The following DPH3 variants were observed in gnomAD, a reference collection of about 807,000 sequenced individuals.
DPH3 encodes the protein diphthamide biosynthesis protein 3.
A neutral mutation model predicts 10.2 loss-of-function variants in DPH3; 8 were observed. The ratio of observed to expected loss-of-function variants is 0.79; its 90% CI spans 0.46 to 1.42. DPH3 has a LOEUF of 1.42. Ranked by LOEUF, DPH3 falls within the 40% of genes most tolerant of loss-of-function variation. DPH3 has a pLI of 0.00. For missense variants in DPH3, 96 were observed against 98.9 expected, an observed-to-expected ratio of 0.97 and a Z score of 0.12; for synonymous variants, 35 against 35.6, an observed-to-expected ratio of 0.98 and a Z score of 0.06.
At position 16,261,714 on chromosome 3, in the gene DPH3, C is replaced by G. The variant is rs1256975420; in HGVS notation, c.184-885G>C. ...GCTGAGGTTGAGATGAAGTCATATT[C>G]TTAAGGACAGTTTCCCCTACAAGCC... On this transcript the variant is annotated intron_variant, in intron 2 of 2. Coordinates refer to ENST00000488423, the MANE Select transcript of DPH3 (RefSeq NM_206831.3). The surrounding 1 kb of genome is among the most constrained non-coding windows in gnomAD (Gnocchi z 7.1). Among the ~76,000 whole-genome samples, 2 of 152,116 alleles carry G rather than the reference C, an allele frequency of 1.3e-5. No individual in the cohort carries two copies. The highest frequency in any genetic ancestry group is 4.8e-5 in the African/African-American group (2 of 41,410).
In DPH3 at chr3:16,264,749, G is replaced by C; in HGVS notation, c.108+20C>G. On this transcript the variant is annotated intron_variant, in intron 1 of 2. Coordinates refer to ENST00000488423, the MANE Select transcript of DPH3 (RefSeq NM_206831.3). ...ACTGCGCTTGCTTGGGTGAACCGCC[G>C]GGCGGGACCCTGAAGTTACCTTGGT... is the stretch of plus-strand genomic sequence containing the variant. The C allele has an allele frequency of 6.2e-7, 1 of 1,612,552 alleles. No individual in the cohort carries two copies. The highest frequency in any genetic ancestry group is 8.5e-7 in the Non-Finnish European group (1 of 1,178,942).
rs143104601 is a variant in DPH3 at position 16,263,043 on chromosome 3, G to A, written c.183+1112C>T. Among the ~76,000 whole-genome samples, 209 of 152,214 alleles carry A rather than the reference G, an allele frequency of 1.4e-3. No individual in the cohort carries two copies. The highest frequency in any genetic ancestry group is 4.9e-3 in the African/African-American group (202 of 41,524). On this transcript the variant is annotated intron_variant, in intron 2 of 2. Transcript: ENST00000488423. This position sits in a 1 kb window ranked among gnomAD's most constrained non-coding sequence, Gnocchi z 4.0. ...TAGGCTACTCTGAACACAGCAGCCA[G>A]AATCATTTTTTAAAAAACTTAAGTT...
Position 16,264,304 on chromosome 3 carries a change from C to A in DPH3, c.109-75G>T, listed in dbSNP as rs1252844593. On this transcript the variant is annotated intron_variant, in intron 1 of 2. Coordinates refer to ENST00000488423, the MANE Select transcript of DPH3 (RefSeq NM_206831.3). ...CTCCTCCCCCAAACCTATCCCACCCCTAGATGCAAGTCTCTTGGTGGCTTG... is the reference window on the plus strand; with the variant it reads ...CTCCTCCCCCAAACCTATCCCACCCATAGATGCAAGTCTCTTGGTGGCTTG... 31 of 1,228,536 alleles carry A rather than the reference C, an allele frequency of 2.5e-5. No homozygotes were observed. In the East Asian group the frequency reaches 6.9e-4, roughly 27 times the overall value. 76.1% of individuals were successfully genotyped at this position (1,228,536 alleles called of 1,614,324 possible).
In DPH3 at chr3:16,264,146, A is replaced by G; in HGVS notation, c.183+9T>C. On this transcript the variant is annotated intron_variant, in intron 2 of 2. Coordinates refer to ENST00000488423, the MANE Select transcript of DPH3 (RefSeq NM_206831.3). ...TACCCTTCCCCCGTTTTAAAATTAT[A>G]TCCCTTACTTTGTCATAAATCACTT... is the stretch of plus-strand genomic sequence containing the variant. 1 of 1,601,054 alleles carries G rather than the reference A, an allele frequency of 6.2e-7. No individual in the cohort carries two copies.
At position 16,261,824 on chromosome 3, in the gene DPH3, T is replaced by C. The variant is rs2064294150; in HGVS notation, c.184-995A>G. 6.6e-6 allele frequency among the ~76,000 whole-genome samples: 1 copy of C among 152,188 alleles called. No homozygotes were observed. The highest frequency in any genetic ancestry group is 2.1e-4 in the South Asian group (1 of 4,830). ...TAGTTCCTCCTTTTTGCCTCCATTC[T>C]CCTTTCCTGTCTAAAACCCATCAGT... On this transcript the variant is annotated intron_variant, in intron 2 of 2. Coordinates refer to ENST00000488423, the MANE Select transcript of DPH3 (RefSeq NM_206831.3). This position sits in a 1 kb window ranked among gnomAD's most constrained non-coding sequence, Gnocchi z 7.1.
chr3:16,257,883 T>C lies in DPH3; in HGVS notation c.*2881A>G, dbSNP rs1262938950. The C allele has an allele frequency of 6.6e-6, 1 of 152,190 alleles. No individual in the cohort carries two copies. Among genetic ancestry groups the C allele is most frequent in the Non-Finnish European group, 1.5e-5 (1 of 68,022 alleles). The allele number at this position is 152,190 out of a possible 1,614,324, so 9.4% of individuals were successfully genotyped here. On this transcript the variant is annotated 3_prime_UTR_variant, in exon 3 of 3. Transcript: ENST00000488423. ...TCCATAACAAAAAGTCTATTAACAATACCCCAAAGCAGTTAAGATTTCTAC... is the reference window on the plus strand; with the variant it reads ...TCCATAACAAAAAGTCTATTAACAACACCCCAAAGCAGTTAAGATTTCTAC...
Position 16,261,219 on chromosome 3 carries a change from T to G in DPH3, c.184-390A>C, listed in dbSNP as rs1559705847. Among the ~76,000 whole-genome samples, 4 of 152,248 alleles carry G rather than the reference T, an allele frequency of 2.6e-5. No individual in the cohort carries two copies. Among genetic ancestry groups the G allele is most frequent in the Admixed American group, 2.0e-4 (3 of 15,290 alleles). On this transcript the variant is annotated intron_variant, in intron 2 of 2. Coordinates refer to ENST00000488423, the MANE Select transcript of DPH3 (RefSeq NM_206831.3). This position sits in a 1 kb window ranked among gnomAD's most constrained non-coding sequence, Gnocchi z 7.1. ...CAGTCCTCTTCAAAGTAATTACTTC[T>G]TCTAACTAAAAGGGACAGGTCTTTA...
chr3:16,264,620 G>C (rs575811054), intron 1 of DPH3, 149 bp downstream of exon 1: 1 of 759,210 alleles, frequency 1.3e-6, no homozygotes, highest in Non-Finnish European at 2.2e-6. Context: ...CATTAGTTGG[G>C]GTGGGGGGAC....
rs1559705900 is a variant in DPH3, at chr3:16,261,389, G to A, written c.184-560C>T. On this transcript the variant is annotated intron_variant, in intron 2 of 2. Transcript: ENST00000488423. This position sits in a 1 kb window ranked among gnomAD's most constrained non-coding sequence, Gnocchi z 7.1. ...CCTCACCTCCAGCAATCTGATTCCCGAAGGATCAGCCCCTACTCTGTCCCT... is the reference window on the plus strand; with the variant it reads ...CCTCACCTCCAGCAATCTGATTCCCAAAGGATCAGCCCCTACTCTGTCCCT... Among the ~76,000 whole-genome samples, 5 of 152,130 alleles carry A rather than the reference G, an allele frequency of 3.3e-5. No individual in the cohort carries two copies. The highest frequency in any genetic ancestry group is 2.0e-4 in the Admixed American group (3 of 15,276).
chr3:16,262,546 C>T lies in DPH3; in HGVS notation c.183+1609G>A, dbSNP rs1233526121. 6.6e-6 allele frequency among the ~76,000 whole-genome samples: 1 copy of T among 152,164 alleles called. No individual in the cohort carries two copies. The highest frequency in any genetic ancestry group is 2.1e-4 in the South Asian group (1 of 4,834). ...TCCCTGACTTTTTAATACTGTAGTG[C>T]CTTAAGGCTCAGTCCTGTATTTTAT... On this transcript the variant is annotated intron_variant, in intron 2 of 2. Transcript: ENST00000488423. This position sits in a 1 kb window ranked among gnomAD's most constrained non-coding sequence, Gnocchi z 4.7.
rs749301090 is a variant in DPH3 at position 16,264,162 on chromosome 3, T to C, written c.176A>G (p.Tyr59Cys). ...PSCSLIIKVI[Y>C]DKDQFVCGET... is the part of the protein sequence containing the mutation. ...TAAAATTATATCCCTTACTTTGTCA[T>C]AAATCACTTTTATAATGAGAGAGCA... is the stretch of plus-strand genomic sequence containing the variant. The change falls in exon 2 of 3, where the codon TAT becomes TGT. Residue 59 changes from tyrosine to cysteine, a missense_variant. Transcript: ENST00000488423. The C allele has an allele frequency of 3.7e-6, 6 of 1,609,478 alleles. No individual in the cohort carries two copies. In the Admixed American group the frequency reaches 1.0e-4, roughly 27 times the overall value.
At position 16,264,764 on chromosome 3, in the gene DPH3, G is replaced by A. The variant is rs980196569; in HGVS notation, c.108+5C>T. On this transcript the variant is annotated splice_donor_5th_base_variant and intron_variant, in intron 1 of 2. Coordinates refer to ENST00000488423, the MANE Select transcript of DPH3 (RefSeq NM_206831.3). ...GTGAACCGCCGGGCGGGACCCTGAA[G>A]TTACCTTGGTGATGGAGAAGTTATC... The A allele has an allele frequency of 1.2e-6, 2 of 1,613,972 alleles. No individual in the cohort carries two copies. Among genetic ancestry groups the A allele is most frequent in the African/African-American group, 1.3e-5 (1 of 75,046 alleles).
rs915633952 is a variant in DPH3 at position 16,259,696 on chromosome 3, A to G, written c.*1068T>C. ...AGGAGTGAATGTCTGGTTTGGCTGC[A>G]TGTTATAGAGGCTTATTAAATATGC... On this transcript the variant is annotated 3_prime_UTR_variant, in exon 3 of 3. Transcript: ENST00000488423. 35 of 152,174 alleles carry G rather than the reference A, an allele frequency of 2.3e-4. No homozygotes were observed. The highest frequency in any genetic ancestry group is 8.2e-4 in the African/African-American group (34 of 41,438). 9.4% of individuals were successfully genotyped at this position (152,174 alleles called of 1,614,324 possible).
Position 16,261,967 on chromosome 3 carries a change from C to A in DPH3, c.184-1138G>T, listed in dbSNP as rs1363210791. 6.7e-6 allele frequency among the ~76,000 whole-genome samples: 1 copy of A among 148,730 alleles called. No individual in the cohort carries two copies. Among genetic ancestry groups the A allele is most frequent in the Non-Finnish European group, 1.5e-5 (1 of 66,720 alleles). On this transcript the variant is annotated intron_variant, in intron 2 of 2. Transcript: ENST00000488423. The surrounding 1 kb of genome is among the most constrained non-coding windows in gnomAD (Gnocchi z 7.1). The stretch of plus-strand genomic sequence containing the variant: ...CCTCCACCATATTCATCCTACCACC[C>A]TTTCACTGCCCCTCACTCCCTTCAT...
rs191031768 is a variant in DPH3, at chr3:16,261,725, T to C, written c.184-896A>G. Among the ~76,000 whole-genome samples, 3 of 152,226 alleles carry C rather than the reference T, an allele frequency of 2.0e-5. No homozygotes were observed. The highest frequency in any genetic ancestry group is 2.9e-5 in the Non-Finnish European group (2 of 68,006). Reference sequence around the variant, plus strand: ...GATGAAGTCATATTCTTAAGGACAGTTTCCCCTACAAGCCCATCTAGTGGA... The same window carrying C: ...GATGAAGTCATATTCTTAAGGACAGCTTCCCCTACAAGCCCATCTAGTGGA... On this transcript the variant is annotated intron_variant, in intron 2 of 2. Transcript: ENST00000488423. The surrounding 1 kb of genome is among the most constrained non-coding windows in gnomAD (Gnocchi z 7.1).
rs546138206 is a variant in DPH3, at chr3:16,263,329, A to G, written c.183+826T>C. ...TGGCTCACTCCCTCACCTCCTTCAA[A>G]TCTTTACCTATTAAGGCCTTTCTCA... On this transcript the variant is annotated intron_variant, in intron 2 of 2. Transcript: ENST00000488423. The surrounding 1 kb of genome is among the most constrained non-coding windows in gnomAD (Gnocchi z 4.0). Among the ~76,000 whole-genome samples, 1 of 152,104 alleles carries G rather than the reference A, an allele frequency of 6.6e-6. No homozygotes were observed. Among genetic ancestry groups the G allele is most frequent in the South Asian group, 2.1e-4 (1 of 4,806 alleles).
Position 16,260,809 on chromosome 3 carries a change from T to G in DPH3, c.204A>C (p.Glu68Asp). ...TGTTGGCTGAAGGGGCTGGGACTGT[T>G]TCTCCACACACAAACTGATCCTAAG... ...IYDKDQFVCG[E>D]TVPAPSANKE... Residue 68 changes from glutamate to aspartate, a missense_variant, in exon 3 of 3, where the codon GAA (glutamate) becomes GAC (aspartate). Physicochemically the swap from Glu to Asp is conservative, Grantham distance 45 (BLOSUM62 2). Transcript: ENST00000488423. 6.2e-7 allele frequency: 1 copy of G among 1,613,910 alleles called. No individual in the cohort carries two copies. The highest frequency in any genetic ancestry group is 1.3e-5 in the African/African-American group (1 of 75,060).
At position 16,264,251 on chromosome 3, in the gene DPH3, T is replaced by C. The variant is rs369767339; in HGVS notation, c.109-22A>G. On this transcript the variant is annotated intron_variant, in intron 1 of 2. Coordinates refer to ENST00000488423, the MANE Select transcript of DPH3 (RefSeq NM_206831.3). ...CTTCCTACAACGAAATCAAATACCA[T>C]GTGGTCAGGATAGCTTCTCTTCGCC... The C allele has an allele frequency of 3.8e-6, 6 of 1,591,534 alleles. No individual in the cohort carries two copies. In the African/African-American group the frequency reaches 6.7e-5, roughly 18 times the overall value.
intron 1 of DPH3, 151 bp from the exon 2 acceptor site, chr3:16,264,380 G>A (rs995252095): frequency 4.3e-5 from 24 of 552,766 alleles, no homozygotes; most frequent in Non-Finnish European, 7.3e-5. Flanking sequence ...GAGAAATGCC[G>A]ACATCATTTT....
Sources: gnomAD v4.1 joint callset for allele counts (sites outside exome capture counted in the v4.1 genomes callset) on GRCh38, gnomAD v4.1.1 for gene constraint, Gnocchi (gnomAD v3.1) non-coding constraint, MANE v1.5 for transcripts, NCBI Gene and HGNC (gene_info 2026-07-23, HGNC 2026-07-21) for gene names.